The following CCDC171 variants were observed in gnomAD, a reference collection of about 807,000 sequenced individuals.
The protein encoded by CCDC171 is coiled-coil domain containing 171.
CCDC171 carries 177 observed loss-of-function variants against 168.2 expected under a neutral mutation model. That is an observed-to-expected ratio of 1.05 (90% CI 0.93 to 1.19). The LOEUF is 1.19. CCDC171 is among the 50% of genes most tolerant of loss of function. The pLI, the probability that CCDC171 is intolerant of heterozygous loss-of-function variation, is 0.00. For synonymous variants in CCDC171, 687 were observed against 540.8 expected (o/e 1.27, Z -3.75); for missense variants, 1,991 against 1,539.0 (o/e 1.29, Z -4.91).
chr9:15,993,448 A>G (rs1259565636), intron 3 of CCDC171, among the ~76,000 whole-genome samples: 2 of 152,226 alleles, frequency 1.3e-5, no homozygotes, highest in Non-Finnish European at 2.9e-5. Context: ...TTATTTCAAG[A>G]TGGGTTAAAG....
intron 9 of CCDC171, among the ~76,000 whole-genome samples, chr9:15,669,841 C>T (rs898966457): frequency 9.3e-5 from 14 of 150,786 alleles, no homozygotes; most frequent in Admixed American, 3.3e-4. Flanking sequence ...AACATATCAA[C>T]GGTATTGTAA....
intron 11 of CCDC171, among the ~76,000 whole-genome samples, chr9:15,719,451 T>G (rs2053326369): frequency 7.1e-6 from 1 of 141,528 alleles, no homozygotes; most frequent in African/African-American, 2.6e-5. Flanking sequence ...AGAGAGAAAG[T>G]TTATTCAAAT....
intron 14 of CCDC171, among the ~76,000 whole-genome samples, chr9:15,727,453 C>G (rs1383709192): frequency 6.6e-6 from 1 of 152,110 alleles, no homozygotes; most frequent in Non-Finnish European, 1.5e-5. Flanking sequence ...CAAGTAGTAT[C>G]TATTTTGGCA....
intron 6 of CCDC171, among the ~76,000 whole-genome samples, chr9:15,615,777 A>ATTTT (rs35595117): frequency 4.3e-5 from 6 of 140,194 alleles, no homozygotes; most frequent in African/African-American, 5.3e-5. Context: ...ATCACGTGTG[A>ATTTT]TTTTTTTTTT....
intron 25 of CCDC171, among the ~76,000 whole-genome samples, chr9:15,961,963 T>A (rs1357254190): frequency 5.9e-5 from 9 of 152,202 alleles, no homozygotes; most frequent in African/African-American, 2.2e-4. Flanking sequence ...CCACCTGTTT[T>A]TGTATGGCCT....
At chr9:15,700,416 G>T (rs923244831) in intron 11 of CCDC171, among the ~76,000 whole-genome samples, 1 of 152,148 alleles carries the variant, frequency 6.6e-6, no homozygotes. Flanking sequence ...TCCCACTCAC[G>T]CCTCTCCCTC....
At chr9:15,557,254 G>C (rs2038887379) in intron 1 of CCDC171, among the ~76,000 whole-genome samples, 1 of 152,118 alleles carries the variant, frequency 6.6e-6, no homozygotes, top group Non-Finnish European at 1.5e-5. Context: ...GAATTTTAAA[G>C]TAGTTTTTTC....
At chr9:15,852,768 A>G (rs2061186282) in intron 23 of CCDC171, among the ~76,000 whole-genome samples, 1 of 55,146 alleles carries the variant, frequency 1.8e-5, no homozygotes, top group Non-Finnish European at 3.6e-5. Context: ...CTATCATGTA[A>G]AGGCCCAACT....
chr9:15,868,178 C>CT (rs2131111955), intron 23 of CCDC171, among the ~76,000 whole-genome samples: 1 of 151,946 alleles, frequency 6.6e-6, no homozygotes, highest in East Asian at 1.9e-4. Context: ...TGGGAGAGTT[C>CT]TGGCTTTGCT....
intron 6 of CCDC171, among the ~76,000 whole-genome samples, chr9:15,623,043 A>G (rs979121672): frequency 6.6e-6 from 1 of 152,198 alleles, no homozygotes; most frequent in Non-Finnish European, 1.5e-5. Flanking sequence ...TTCCGTTGTA[A>G]TATTAATCAG....
chr9:15,970,956 C>T (rs1831304777), intron 25 of CCDC171, among the ~76,000 whole-genome samples: 2 of 152,074 alleles, frequency 1.3e-5, no homozygotes, highest in South Asian at 4.2e-4. Context: ...TGACTTAAAT[C>T]AAGAATTACC....
rs535868443 is a variant in CCDC171 at position 15,555,855 on chromosome 9, C to T, written c.-112+2553C>T. 3.0e-4 allele frequency among the ~76,000 whole-genome samples: 46 copies of T among 151,986 alleles called. 1 individual carries two copies. The highest frequency in any genetic ancestry group is 5.3e-4 in the Non-Finnish European group (36 of 67,976). ...CACCTTCCCCCACTCTCTGCCAGGC[C>T]CCGGTGTGTGATGTTCCCCACCCTG... On this transcript the variant is annotated intron_variant, in intron 1 of 25. Coordinates refer to ENST00000380701, the MANE Select transcript of CCDC171 (RefSeq NM_173550.4).
At chr9:15,765,784 G>GAAAGAA (rs1427846385) in intron 18 of CCDC171, among the ~76,000 whole-genome samples, 4 of 152,112 alleles carry the variant, frequency 2.6e-5, no homozygotes, top group Non-Finnish European at 5.9e-5. Context: ...AAATACAATG[G>GAAAGAA]AAAGAAAGAG....
At chr9:16,005,593 C>A (rs1368415812) in intron 3 of CCDC171, among the ~76,000 whole-genome samples, 2 of 152,022 alleles carry the variant, frequency 1.3e-5, no homozygotes, top group Non-Finnish European at 2.9e-5. Flanking sequence ...TTAAAATAAA[C>A]AATATAACAA....
At chr9:15,668,256 T>C (rs1029780555) in intron 9 of CCDC171, among the ~76,000 whole-genome samples, 74 of 152,168 alleles carry the variant, frequency 4.9e-4, no homozygotes, top group African/African-American at 1.8e-3. Context: ...GAGAGTCTTA[T>C]AAAGATTGGA....
intron 23 of CCDC171, among the ~76,000 whole-genome samples, chr9:15,859,133 T>A (rs747958961): frequency 1.3e-5 from 2 of 152,132 alleles, no homozygotes; most frequent in African/African-American, 4.8e-5. Context: ...AAATGCTTTT[T>A]ATGCATCTAT....
intron 24 of CCDC171, chr9:15,885,459 G>A (rs1052750980): frequency 6.6e-6 from 1 of 152,098 alleles, no homozygotes; most frequent in Non-Finnish European, 1.5e-5. Flanking sequence ...AGAGAACGAA[G>A]CCTGTGAGCA....
In CCDC171 at chr9:15,623,471, G is replaced by GCACACACACA. The variant is rs1424407806; in HGVS notation, c.822+59_822+60insACACACACAC. The GCACACACACA allele has an allele frequency of 3.0e-3, 1,491 of 504,910 alleles. 33 individuals carry two copies. In the Admixed American group the frequency reaches 0.04, roughly 13 times the overall value. The allele number at this position is 504,910 out of a possible 1,614,324, so 31.3% of individuals were successfully genotyped here. A position where few individuals can be genotyped will look rare whatever the true frequency, so the allele number is the denominator to read the frequency against. On this transcript the variant is annotated intron_variant, in intron 7 of 25. Transcript: ENST00000380701. The stretch of plus-strand genomic sequence containing the variant: ...CGTACAAACTTTCACATATGCGCGC[G>GCACACACACA]CGCGCACACACACACACACACACAC...
At chr9:15,793,408 C>T (rs1478755995) in intron 21 of CCDC171, among the ~76,000 whole-genome samples, 1 of 152,040 alleles carries the variant, frequency 6.6e-6, no homozygotes, top group Non-Finnish European at 1.5e-5. Context: ...AGCATTAGAT[C>T]AATGAGACAG....
Sources: gnomAD v4.1 joint callset for allele counts (sites outside exome capture counted in the v4.1 genomes callset) on GRCh38, gnomAD v4.1.1 for gene constraint, MANE v1.5 for transcripts, NCBI Gene and HGNC (gene_info 2026-07-23, HGNC 2026-07-21) for gene names.